Variants in OPA1 observed in about 807,000 individuals in gnomAD.
The protein encoded by OPA1 is OPA1 mitochondrial dynamin like GTPase.
A neutral mutation model predicts 152.9 loss-of-function variants in OPA1; 59 were observed. That is an observed-to-expected ratio of 0.39 (90% CI 0.31 to 0.48). OPA1 has a LOEUF of 0.48. OPA1 is among the 20% of genes least tolerant of loss of function. The pLI is 0.96. For synonymous variants in OPA1, 400 were observed against 389.9 expected, an observed-to-expected ratio of 1.03 and a Z score of -0.31; for missense variants, 1,008 against 1,216.8, an observed-to-expected ratio of 0.83 and a Z score of 2.55.
chr3:193,648,025 G>A (rs1168249794), intron 19 of OPA1, 45 bp from the exon 20 acceptor site: 2 of 1,396,638 alleles, frequency 1.4e-6, no homozygotes, highest in Non-Finnish European at 2.0e-6. Context: ...ACTACATCTG[G>A]AAAGAAGGAG....
intron 19 of OPA1, among the ~76,000 whole-genome samples, chr3:193,647,533 G>A (rs944679071): frequency 3.3e-5 from 5 of 152,150 alleles, no homozygotes; most frequent in African/African-American, 1.2e-4. Context: ...TCCTTTACTT[G>A]GCACCATTTC....
chr3:193,607,270 A>G (rs1727438045), intron 1 of OPA1, among the ~76,000 whole-genome samples: 1 of 152,146 alleles, frequency 6.6e-6, no homozygotes, highest in South Asian at 2.1e-4. Flanking sequence ...CTTTACTTTA[A>G]TGAGATCCCA....
chr3:193,641,949 T>C (rs750264064), intron 11 of OPA1, among the ~76,000 whole-genome samples: 19 of 152,172 alleles, frequency 1.2e-4, no homozygotes, highest in Admixed American at 5.2e-4. Flanking sequence ...ACCCTGTCTC[T>C]ACTAAAAGTA....
At chr3:193,671,194 C>T (rs866788558) in intron 29 of OPA1, among the ~76,000 whole-genome samples, 1 of 152,086 alleles carries the variant, frequency 6.6e-6, no homozygotes, top group East Asian at 1.9e-4. Context: ...GTGGATGAAG[C>T]CTGGCAATCA....
chr3:193,694,075 C>T (rs1311476244), intron 30 of OPA1, among the ~76,000 whole-genome samples: 3 of 152,172 alleles, frequency 2.0e-5, no homozygotes, highest in Non-Finnish European at 4.4e-5. Flanking sequence ...AGTGTGACAT[C>T]CAGAGTTGCT....
At chr3:193,687,623 C>G (rs1423846546) in intron 29 of OPA1, among the ~76,000 whole-genome samples, 1 of 152,182 alleles carries the variant, frequency 6.6e-6, no homozygotes, top group Non-Finnish European at 1.5e-5. Context: ...CACCGTGATA[C>G]TGAAGCATTA....
intron 26 of OPA1, among the ~76,000 whole-genome samples, 182 bp from the exon 27 acceptor site, chr3:193,664,698 T>C (rs1716114467): frequency 6.6e-6 from 1 of 152,044 alleles, no homozygotes; most frequent in Admixed American, 6.5e-5. Flanking sequence ...TAGTAGTAAA[T>C]CTAATCTTTG....
At chr3:193,622,557 C>T (rs566226829) in intron 6 of OPA1, among the ~76,000 whole-genome samples, 89 of 152,120 alleles carry the variant, frequency 5.9e-4, no homozygotes, top group African/African-American at 2.1e-3. Context: ...TGTTGTACCT[C>T]CCCAGCTGAA....
intron 1 of OPA1, among the ~76,000 whole-genome samples, chr3:193,595,315 C>T (rs1331659200): frequency 1.3e-5 from 2 of 152,178 alleles, no homozygotes; most frequent in African/African-American, 4.8e-5. Flanking sequence ...TCAATACTAA[C>T]ATTTGGGTGC....
intron 1 of OPA1, among the ~76,000 whole-genome samples, chr3:193,613,398 C>T (rs1125272): frequency 6.6e-6 from 1 of 151,878 alleles, no homozygotes; most frequent in Non-Finnish European, 1.5e-5. Flanking sequence ...TAACCTTACT[C>T]GGTGTTTCTG....
intron 9 of OPA1, among the ~76,000 whole-genome samples, chr3:193,636,674 A>G (rs975898077): frequency 2.6e-5 from 4 of 152,086 alleles, no homozygotes; most frequent in African/African-American, 7.2e-5. Flanking sequence ...CTACACTCAT[A>G]TTTCAGCCTG....
At chr3:193,665,178 G>A (rs1320431855) in intron 27 of OPA1, among the ~76,000 whole-genome samples, 182 bp downstream of exon 27, 1 of 151,786 alleles carries the variant, frequency 6.6e-6, no homozygotes, top group Non-Finnish European at 1.5e-5. Flanking sequence ...CACTTTGTTC[G>A]TGATACGTGC....
Position 193,646,837 on chromosome 3 carries a change from A to G in OPA1, c.1755-228A>G, listed in dbSNP as rs139127723. ...TAGTTAAAATTCAACAAAATTCAAA[A>G]TACAGTTCCTCAGTTACACTAGCCA... On this transcript the variant is annotated intron_variant, in intron 18 of 30. Coordinates refer to ENST00000361510, the MANE Select transcript of OPA1 (RefSeq NM_130837.3). 7.2e-3 allele frequency among the ~76,000 whole-genome samples: 1,097 copies of G among 152,318 alleles called. 7 individuals carry two copies. The highest frequency in any genetic ancestry group is 0.012 in the Non-Finnish European group (842 of 68,030).
At chr3:193,631,961 A>T (rs761530495) in intron 8 of OPA1, among the ~76,000 whole-genome samples, 4 of 152,222 alleles carry the variant, frequency 2.6e-5, no homozygotes, top group Non-Finnish European at 5.9e-5. Flanking sequence ...TTACATTGAT[A>T]AGCTAATACA....
intron 21 of OPA1, among the ~76,000 whole-genome samples, chr3:193,652,436 G>C (rs1316075306): frequency 6.6e-6 from 1 of 151,888 alleles, no homozygotes; most frequent in Admixed American, 6.6e-5. Flanking sequence ...AAAATTGTTA[G>C]ATGATAGCAG....
At chr3:193,649,801 AAAG>A (rs895820926) in intron 21 of OPA1, among the ~76,000 whole-genome samples, 1 of 152,196 alleles carries the variant, frequency 6.6e-6, no homozygotes, top group Admixed American at 6.6e-5. Flanking sequence ...TTATCCAAAA[AAAG>A]AGATCTAATT....
rs1267817577 is a variant in OPA1 at position 193,617,099 on chromosome 3, T to G, written c.449-79T>G. 17 of 864,930 alleles carry G rather than the reference T, an allele frequency of 2.0e-5. No individual in the cohort carries two copies. The Admixed American group carries it at 3.3e-4, about 17-fold the overall frequency. 53.6% of individuals were successfully genotyped at this position (864,930 alleles called of 1,614,324 possible). ...GGGTTGTCATGAGGATTAAACAAGT[T>G]AATACTTTAGCCCTTTATAAGAATA... On this transcript the variant is annotated intron_variant, in intron 3 of 30. Transcript: ENST00000361510.
intron 6 of OPA1, among the ~76,000 whole-genome samples, chr3:193,625,838 T>G (rs952560004): frequency 2.0e-5 from 3 of 152,198 alleles, no homozygotes; most frequent in Non-Finnish European, 4.4e-5. Context: ...TCATTTTATT[T>G]AGCACTTATT....
rs1432310704 is a variant in OPA1, at chr3:193,614,928, T to C, written c.238T>C (p.Tyr80His). 4 of 1,613,800 alleles carry C rather than the reference T, an allele frequency of 2.5e-6. No individual in the cohort carries two copies. The highest frequency in any genetic ancestry group is 2.7e-5 in the African/African-American group (2 of 74,932). ...LRKLKFSPIK[Y>H]GYQPRRNFWP... ...TAAACTGAAATTCTCTCCAATTAAA[T>C]ATGGCTACCAGCCTCGCAGGAATTT... Residue 80 changes from tyrosine (Y) to histidine (H), a missense_variant, in exon 2 of 31, where the codon TAT (tyrosine) becomes CAT (histidine). Tyr to His is a moderately conservative substitution (Grantham distance 83). Around this residue, in one of 7 missense-constraint regions of OPA1, gnomAD observed 408 missense variants for 395.1 expected, o/e 1.03. Coordinates refer to ENST00000361510, the MANE Select transcript of OPA1 (RefSeq NM_130837.3).
Sources: gnomAD v4.1 joint callset for allele counts (sites outside exome capture counted in the v4.1 genomes callset) on GRCh38, gnomAD v4.1.1 for gene constraint, gnomAD v4.1.1 regional missense constraint, MANE v1.5 for transcripts, NCBI Gene and HGNC (gene_info 2026-07-23, HGNC 2026-07-21) for gene names.